TENM3: variants seen among roughly 807,000 people sequenced by gnomAD.
TENM3 encodes teneurin transmembrane protein 3.
Under a neutral mutation model 255.1 loss-of-function variants are expected in TENM3, and 63 were observed. That is an observed-to-expected ratio of 0.25 (90% CI 0.20 to 0.30). TENM3 has a LOEUF of 0.30. TENM3 is among the 10% of genes least tolerant of loss of function. The probability of loss-of-function intolerance (pLI) is 1.00; values close to 1 mark genes in which losing one functional copy is unlikely to be tolerated. For missense variants in TENM3, 2,929 were observed against 3,461.1 expected, an observed-to-expected ratio of 0.85 and a Z score of 3.86; for synonymous variants, 1,306 against 1,322.3, an observed-to-expected ratio of 0.99 and a Z score of 0.27.
chr4:182,645,267 A>G (rs1752641082), intron 5 of TENM3, among the ~76,000 whole-genome samples: 1 of 152,044 alleles, frequency 6.6e-6, no homozygotes, highest in Non-Finnish European at 1.5e-5. Flanking sequence ...TAGGTCTAGT[A>G]GAAAAATGTA....
At chr4:182,749,129 CTGTT>C (rs756550283) in intron 19 of TENM3, among the ~76,000 whole-genome samples, 28 of 152,208 alleles carry the variant, frequency 1.8e-4, no homozygotes, top group Admixed American at 6.5e-4. Context: ...CCTCAATAAT[CTGTT>C]TGTTTGTTTT....
chr4:181,772,881 A>C, the TENM3 span, among the ~76,000 whole-genome samples: 3 of 152,206 alleles, frequency 2.0e-5, no homozygotes, highest in Non-Finnish European at 4.4e-5. Flanking sequence ...ACTACACTTA[A>C]TCTGGCAGAG....
At chr4:181,664,821 C>T in the TENM3 span, among the ~76,000 whole-genome samples, 2 of 152,174 alleles carry the variant, frequency 1.3e-5, no homozygotes, top group African/African-American at 4.8e-5. Flanking sequence ...GCTCTCTGCC[C>T]TCATGCTCTC....
chr4:182,022,781 C>T, the TENM3 span, among the ~76,000 whole-genome samples: 2 of 152,038 alleles, frequency 1.3e-5, no homozygotes, highest in Admixed American at 1.3e-4. Flanking sequence ...AAATACCAAA[C>T]AACATCATGA....
the TENM3 span, among the ~76,000 whole-genome samples, chr4:182,055,323 CAACAGAGCA>C: frequency 6.4e-3 from 951 of 148,748 alleles, 9 homozygotes; most frequent in Middle Eastern, 0.034. Flanking sequence ...CCAGCCTGGG[CAACAGAGCA>C]AGACCATGTC....
chr4:182,144,202 GCA>G (rs3833623), upstream of TENM3: 19,382 of 148,436 alleles, frequency 0.13, 1,361 homozygotes, highest in East Asian at 0.25. Flanking sequence ...GCACACTCCC[GCA>G]CACACACACA....
intron 4 of TENM3, among the ~76,000 whole-genome samples, chr4:182,609,895 T>G (rs1479520286): frequency 1.3e-5 from 2 of 152,238 alleles, no homozygotes; most frequent in Non-Finnish European, 1.5e-5. Context: ...TTAGGCTATG[T>G]GTTTAAAGGA....
chr4:182,416,052 C>T (rs918484493), intron 3 of TENM3, among the ~76,000 whole-genome samples: 6 of 152,232 alleles, frequency 3.9e-5, no homozygotes, highest in African/African-American at 9.6e-5. Context: ...CTAGAAAGCA[C>T]CTGGAGCCTA....
At chr4:181,476,957 A>G in the TENM3 span, among the ~76,000 whole-genome samples, 318 of 152,304 alleles carry the variant, frequency 2.1e-3, 2 homozygotes, top group Non-Finnish European at 3.2e-3. Context: ...TATCACATTG[A>G]GCTGAAAAGC....
the TENM3 span, among the ~76,000 whole-genome samples, chr4:182,040,398 T>A: frequency 6.3e-3 from 961 of 152,274 alleles, 15 homozygotes; most frequent in African/African-American, 0.022. Flanking sequence ...CTTTCCCATA[T>A]CTTCTGTGCC....
At chr4:182,485,379 G>C (rs1734597474) in intron 3 of TENM3, among the ~76,000 whole-genome samples, 1 of 151,696 alleles carries the variant, frequency 6.6e-6, no homozygotes, top group African/African-American at 2.4e-5. Flanking sequence ...TTTTTTTTCA[G>C]ACTCCAAAAC....
rs541568077 is a variant in TENM3, at chr4:182,609,489, G to A, written c.749+8328G>A. The stretch of plus-strand genomic sequence containing the variant: ...CTTATACCATAAGATTAAATTCTTG[G>A]ACATGCAATTAACCAACTAAACTTA... On this transcript the variant is annotated intron_variant, in intron 4 of 27. Transcript: ENST00000511685. 7.6e-4 allele frequency among the ~76,000 whole-genome samples: 116 copies of A among 152,218 alleles called. 1 individual carries two copies. The highest frequency in any genetic ancestry group is 6.8e-3 in the Middle Eastern group (2 of 294).
At chr4:181,813,136 C>T in the TENM3 span, among the ~76,000 whole-genome samples, 16 of 152,178 alleles carry the variant, frequency 1.1e-4, no homozygotes, top group Admixed American at 1.0e-3. Flanking sequence ...ACTGGTGAGG[C>T]CCTGCTTCCT....
intron 1 of TENM3, among the ~76,000 whole-genome samples, chr4:182,165,751 G>T (rs553336196): frequency 4.7e-4 from 72 of 152,186 alleles, no homozygotes; most frequent in South Asian, 2.1e-3. Context: ...ACTCTTTTTT[G>T]GGGGGTGAAG....
chr4:181,818,557 T>C, the TENM3 span, among the ~76,000 whole-genome samples: 1 of 152,234 alleles, frequency 6.6e-6, no homozygotes, highest in East Asian at 1.9e-4. Context: ...GTGCAGGATG[T>C]ACAGGTTTGT....
rs1764833957 is a variant in TENM3 at position 182,346,651 on chromosome 4, G to A, written c.233G>A (p.Gly78Glu). 1.2e-6 allele frequency: 2 copies of A among 1,612,866 alleles called. No homozygotes were observed. The change falls in exon 3 of 28, where the codon GGA (glycine) becomes GAA (glutamate). Residue 78 changes from glycine (G) to glutamate (E), a missense_variant and splice_region_variant. Gly to Glu is a moderately conservative substitution (Grantham distance 98). Around this residue, in one of 6 missense-constraint regions of TENM3, gnomAD observed 283 missense variants for 256.9 expected, o/e 1.10. Transcript: ENST00000511685. ...GTTATCTTTTTTTCCCCCTAATTAG[G>A]ACAGAATTTTACCCTAAGGCAGTTA... ...HREADEFTRQ[G>E]QNFTLRQLGV...
At chr4:182,021,250 T>C in the TENM3 span, among the ~76,000 whole-genome samples, 1 of 152,224 alleles carries the variant, frequency 6.6e-6, no homozygotes, top group African/African-American at 2.4e-5. Flanking sequence ...ATTGTTCTTC[T>C]TCATGGCTGT....
the TENM3 span, among the ~76,000 whole-genome samples, chr4:181,623,442 C>T: frequency 7.1e-4 from 108 of 152,280 alleles, no homozygotes; most frequent in African/African-American, 2.4e-3. Flanking sequence ...TGCTGAAGTA[C>T]TAAGGAGGAG....
chr4:182,174,169 A>C (rs541452474), intron 1 of TENM3, among the ~76,000 whole-genome samples: 3 of 152,132 alleles, frequency 2.0e-5, no homozygotes, highest in African/African-American at 7.2e-5. Context: ...TCATCGCGGG[A>C]AATTTCTCTT....
Sources: gnomAD v4.1 joint callset for allele counts (sites outside exome capture counted in the v4.1 genomes callset) on GRCh38, gnomAD v4.1.1 for gene constraint, gnomAD v4.1.1 regional missense constraint, MANE v1.5 for transcripts, NCBI Gene and HGNC (gene_info 2026-07-23, HGNC 2026-07-21) for gene names.